DDX3X: variants seen among roughly 807,000 people sequenced by gnomAD.
The protein encoded by DDX3X is DEAD-box helicase 3 X-linked.
In DDX3X, 4 loss-of-function variants were observed where a neutral mutation model predicts 52.7. The ratio of observed to expected loss-of-function variants is 0.08; its 90% CI spans 0.04 to 0.17. The LOEUF (loss-of-function observed/expected upper bound fraction) is 0.17, where lower values mean the gene tolerates loss of function less well. DDX3X is among the 10% of genes least tolerant of loss of function. The pLI, the probability that DDX3X is intolerant of heterozygous loss-of-function variation, is 1.00. For synonymous variants in DDX3X, 192 were observed against 178.1 expected (o/e 1.08, Z -0.62); for missense variants, 222 against 548.6 (o/e 0.40, Z 5.95).
At chrX:41,340,768 A>G (rs1370178755) in intron 3 of DDX3X, 4 of 295,236 alleles carry the variant, frequency 1.4e-5, no homozygotes, top group Non-Finnish European at 1.8e-5. Context: ...CTGACAGTCT[A>G]TGAATGTTCT....
chrX:41,360,938 G>C (rs1344422111), intron 5 of DDX3X, among the ~76,000 whole-genome samples: 1 of 109,404 alleles, frequency 9.1e-6, no homozygotes, highest in African/African-American at 3.3e-5. Flanking sequence ...GAGTGCAGTA[G>C]CACCATCACG....
At chrX:41,335,305 C>G (rs1263191758) in intron 1 of DDX3X, 1 of 111,150 alleles carries the variant, frequency 9.0e-6, no homozygotes, top group Admixed American at 9.6e-5. Flanking sequence ...ATCCAGGAAT[C>G]CGCCATTGGA....
At chrX:41,356,772 C>T (rs2064011058) in intron 5 of DDX3X, among the ~76,000 whole-genome samples, 1 of 109,721 alleles carries the variant, frequency 9.1e-6, no homozygotes, top group Non-Finnish European at 1.9e-5. Flanking sequence ...CGGCATCATT[C>T]GTCAAAAAGA....
chrX:41,350,466 A>G (rs1414941485), downstream of DDX3X: 1 of 112,078 alleles, frequency 8.9e-6, no homozygotes, highest in Non-Finnish European at 1.9e-5. Flanking sequence ...ATGTATTAGA[A>G]ATTGGCTTAT....
chrX:41,351,005 A>G (rs139824242), downstream of DDX3X: 1 of 112,212 alleles, frequency 8.9e-6, no homozygotes, highest in African/African-American at 3.2e-5. Flanking sequence ...CAAAATAAGC[A>G]TAAGTTTTTA....
chrX:41,351,104 A>G (rs1260652368), downstream of DDX3X: 1 of 111,546 alleles, frequency 9.0e-6, no homozygotes, highest in African/African-American at 3.3e-5. Context: ...ATAAGCATGG[A>G]AAGGTTTGGG....
rs1190792987 is a variant in DDX3X at position 41,334,605 on chromosome X, C to T, written c.45+308C>T. On this transcript the variant is annotated intron_variant, in intron 1 of 16. Transcript: ENST00000644876. Reference sequence around the variant, plus strand: ...CGCGGGGACGCGCATGCGCGAATCCCGACTGATTAGTGACCTGGGGGGGTT... The same window carrying T: ...CGCGGGGACGCGCATGCGCGAATCCTGACTGATTAGTGACCTGGGGGGGTT... The T allele has an allele frequency of 5.0e-5, 54 of 1,087,610 alleles. No individual in the cohort carries two copies. In the East Asian group the frequency reaches 1.8e-3, roughly 36 times the overall value. The allele number at this position is 1,087,610 out of a possible 1,213,427, so 89.6% of individuals were successfully genotyped here.
chrX:41,334,180 TGAGAGGGCCTTCGCGGTG>T lies in DDX3X; in HGVS notation c.-70_-53del. The T allele has an allele frequency of 9.3e-7, 1 of 1,073,139 alleles. No homozygotes were observed. Among genetic ancestry groups the T allele is most frequent in the Non-Finnish European group, 1.3e-6 (1 of 780,486 alleles). 88.4% of individuals were successfully genotyped at this position (1,073,139 alleles called of 1,213,427 possible). A position where few individuals can be genotyped will look rare whatever the true frequency, so the allele number is the denominator to read the frequency against. The stretch of plus-strand genomic sequence containing the variant: ...GCGCTCCAGAGCCGCAGTTCTCCCG[TGAGAGGGCCTTCGCGGTG>T]GAACAAACACTCGCTTAGCAGCGGA... On this transcript the variant is annotated 5_prime_UTR_variant, in exon 1 of 17. Coordinates refer to ENST00000644876, the MANE Select transcript of DDX3X (RefSeq NM_001356.5).
rs1285010983 is a variant in DDX3X at position 41,349,836 on chromosome X, A to G, written c.*2117A>G. 1 of 111,254 alleles carries G rather than the reference A, an allele frequency of 9.0e-6. No homozygotes were observed. The highest frequency in any genetic ancestry group is 1.9e-5 in the Non-Finnish European group (1 of 52,974). 9.2% of individuals were successfully genotyped at this position (111,254 alleles called of 1,213,427 possible). On this transcript the variant is annotated 3_prime_UTR_variant, in exon 17 of 17. Coordinates refer to ENST00000644876, the MANE Select transcript of DDX3X (RefSeq NM_001356.5). Reference sequence around the variant, plus strand: ...TCTTAAGATATTAATGAAACACTTCAAAACACTGATGTGAAGTGTCCAGAT... The same window carrying G: ...TCTTAAGATATTAATGAAACACTTCGAAACACTGATGTGAAGTGTCCAGAT...
downstream of DDX3X, chrX:41,350,367 A>G (rs2063974390): frequency 8.9e-6 from 1 of 112,476 alleles, no homozygotes; most frequent in Non-Finnish European, 1.9e-5. Flanking sequence ...ATTTGCAATG[A>G]AAGATGAAGA....
chrX:41,342,702 T>C, intron 5 of DDX3X, 35 bp from the exon 6 acceptor site: 1 of 1,207,479 alleles, frequency 8.3e-7, no homozygotes, highest in Non-Finnish European at 1.1e-6. Flanking sequence ...TACTAGCTAG[T>C]ATAACAAATG....
downstream of DDX3X, chrX:41,351,264 G>A (rs1452972903): frequency 9.0e-6 from 1 of 111,599 alleles, no homozygotes; most frequent in Non-Finnish European, 1.9e-5. Flanking sequence ...TTCTAGTCTA[G>A]CATGGTTAGG....
At position 41,342,523 on chromosome X, in the gene DDX3X, G is replaced by A; in HGVS notation, c.313G>A (p.Asp105Asn). Residue 105 changes from aspartate (D) to asparagine (N), a missense_variant, in exon 5 of 17, where the codon GAT becomes AAT. Asp to Asn is a conservative substitution (Grantham distance 23). Around this residue, in one of 5 missense-constraint regions of DDX3X, gnomAD observed 93 missense variants for 123.7 expected, o/e 0.75. Coordinates refer to ENST00000644876, the MANE Select transcript of DDX3X (RefSeq NM_001356.5). The stretch of plus-strand genomic sequence containing the variant: ...TGATGATCGTGGACGGAGTGATTAC[G>A]ATGGCATTGGCAGCCGTGGTGACAG... ...RFDDRGRSDY[D>N]GIGSRGDRSG... is the part of the protein sequence containing the mutation. 3.3e-6 allele frequency: 4 copies of A among 1,211,692 alleles called. No individual in the cohort carries two copies. The highest frequency in any genetic ancestry group is 4.5e-6 in the Non-Finnish European group (4 of 895,407).
At chrX:41,346,208 C>G (rs1344993498) in intron 12 of DDX3X, 21 bp from the exon 13 acceptor site, 21 of 1,188,377 alleles carry the variant, frequency 1.8e-5, no homozygotes, top group African/African-American at 3.6e-5. Context: ...GTGACAAAAA[C>G]CTATAATTTT....
In DDX3X at chrX:41,343,807, T is replaced by G; in HGVS notation, c.750T>G (p.Ala250=). 3 of 1,207,359 alleles carry G rather than the reference T, an allele frequency of 2.5e-6. No homozygotes were observed. Among genetic ancestry groups the G allele is most frequent in the Non-Finnish European group, 3.4e-6 (3 of 892,358 alleles). The stretch of plus-strand genomic sequence containing the variant: ...TTTATTCAGATGGTCCAGGCGAGGC[T>G]TTGAGGGCCATGAAGGTAGATGTTT... ...SQIYSDGPGE[A]LRAMKENGRY... is the part of the protein sequence containing the mutation. The change falls in exon 8 of 17, where the codon GCT becomes GCG. Residue 250 remains alanine, a synonymous_variant. Transcript: ENST00000644876.
intron 2 of DDX3X, chrX:41,337,808 T>A (rs905011178): frequency 1.4e-5 from 2 of 141,037 alleles, no homozygotes; most frequent in African/African-American, 6.4e-5. Flanking sequence ...CATCAATGAC[T>A]AGCTGGCTCT....
chrX:41,337,404 C>T lies in DDX3X; in HGVS notation c.46-4C>T. 3 of 1,207,842 alleles carry T rather than the reference C, an allele frequency of 2.5e-6. No homozygotes were observed. Among genetic ancestry groups the T allele is most frequent in the Non-Finnish European group, 3.4e-6 (3 of 892,469 alleles). ...GGGGTGCTAACCATCTCACTCTCTT[C>T]TAGTTTGCTGGCCTAGACCTGAACT... is the stretch of plus-strand genomic sequence containing the variant. On this transcript the variant is annotated splice_polypyrimidine_tract_variant and splice_region_variant and intron_variant, in intron 1 of 16. Transcript: ENST00000644876.
In DDX3X at chrX:41,341,726, T is replaced by C. The variant is rs2063853928; in HGVS notation, c.284+110T>C. The C allele has an allele frequency of 3.8e-6, 3 of 795,050 alleles. No individual in the cohort carries two copies. In the Admixed American group the frequency reaches 9.3e-5, roughly 25 times the overall value. 65.5% of individuals were successfully genotyped at this position (795,050 alleles called of 1,213,427 possible). A position where few individuals can be genotyped will look rare whatever the true frequency, so the allele number is the denominator to read the frequency against. On this transcript the variant is annotated intron_variant, in intron 4 of 16. Transcript: ENST00000644876. Reference sequence around the variant, plus strand: ...CATTATGTCTGTTTGGTCATTGTATTTTCTTAGCCGTAAGAGGCTTTTACT... The same window carrying C: ...CATTATGTCTGTTTGGTCATTGTATCTTCTTAGCCGTAAGAGGCTTTTACT...
chrX:41,354,974 C>G (rs1349374154), downstream of DDX3X, among the ~76,000 whole-genome samples: 2 of 110,209 alleles, frequency 1.8e-5, no homozygotes, highest in African/African-American at 6.6e-5. Flanking sequence ...GTGCATGACA[C>G]CACACCCAGC....
Sources: gnomAD v4.1 joint callset for allele counts (sites outside exome capture counted in the v4.1 genomes callset) on GRCh38, gnomAD v4.1.1 for gene constraint, gnomAD v4.1.1 regional missense constraint, MANE v1.5 for transcripts, NCBI Gene and HGNC (gene_info 2026-07-23, HGNC 2026-07-21) for gene names.